The following CDC16 variants were observed in gnomAD, a reference collection of about 807,000 sequenced individuals.
CDC16 encodes cell division cycle protein 16 homolog.
In CDC16, 34 loss-of-function variants were observed where a neutral mutation model predicts 87.0. The observed-to-expected ratio is 0.39, with a 90% confidence interval of 0.30 to 0.52. The LOEUF (loss-of-function observed/expected upper bound fraction) is 0.52. CDC16 is among the 20% of genes least tolerant of loss of function. The pLI is 0.74. For missense variants in CDC16, 653 were observed against 751.9 expected, an observed-to-expected ratio of 0.87 and a Z score of 1.54; for synonymous variants, 263 against 260.6, an observed-to-expected ratio of 1.01 and a Z score of -0.09.
At chr13:114,239,229 C>G in intron 4 of CDC16, 121 bp from the exon 5 acceptor site, 1 of 1,459,950 alleles carries the variant, frequency 6.8e-7, no homozygotes, top group South Asian at 1.4e-5. Context: ...GAAGAAAATT[C>G]TACTTTAGAC....
rs528422477 is a variant in CDC16, at chr13:114,235,197, G to T, written c.48+65G>T. On this transcript the variant is annotated intron_variant, in intron 1 of 17. Transcript: ENST00000356221. ...CCGGGTCTTTTTCCGCGCGGCGTGG[G>T]GCTGGGGTGACTGTTGTCGGGGCTC... The T allele has an allele frequency of 9.9e-6, 11 of 1,114,436 alleles. No individual in the cohort carries two copies. In the South Asian group the frequency reaches 4.4e-4, roughly 44 times the overall value. The allele number at this position is 1,114,436 out of a possible 1,614,324, so 69.0% of individuals were successfully genotyped here. A position where few individuals can be genotyped will look rare whatever the true frequency, so the allele number is the denominator to read the frequency against.
intron 16 of CDC16, among the ~76,000 whole-genome samples, chr13:114,264,486 G>A (rs2083064557): frequency 6.6e-6 from 1 of 151,992 alleles, no homozygotes; most frequent in African/African-American, 2.4e-5. Context: ...CTTGAACCCG[G>A]GAGGCGGAGG....
At chr13:114,261,990 C>G in intron 15 of CDC16, 42 bp downstream of exon 15, 1 of 1,223,034 alleles carries the variant, frequency 8.2e-7, no homozygotes, top group Admixed American at 2.0e-5. Context: ...CTTTGTGTCT[C>G]AAAGTTTACT....
chr13:114,243,790 A>G (rs2081690894), intron 7 of CDC16, 66 bp from the exon 8 acceptor site: 11 of 1,392,330 alleles, frequency 7.9e-6, no homozygotes, highest in South Asian at 2.5e-5. Flanking sequence ...GCCAAACACA[A>G]ATTGAATCCA....
intron 3 of CDC16, among the ~76,000 whole-genome samples, chr13:114,238,284 T>C (rs1372782334): frequency 0.014 from 1,614 of 117,790 alleles, 14 homozygotes; most frequent in Middle Eastern, 0.089. Context: ...GGAGCTGCTG[T>C]GAGCTCCTCG....
intron 8 of CDC16, 64 bp from the exon 9 acceptor site, chr13:114,244,826 C>A: frequency 2.1e-6 from 2 of 943,678 alleles, no homozygotes; most frequent in Non-Finnish European, 3.4e-6. Context: ...CTACACATAG[C>A]CGATCGTCGT....
intron 17 of CDC16, among the ~76,000 whole-genome samples, chr13:114,268,026 T>C (rs912192294): frequency 1.2e-4 from 19 of 152,152 alleles, no homozygotes; most frequent in African/African-American, 4.6e-4. Context: ...GTGGTCAGGC[T>C]TCCACACGGA....
chr13:114,254,288 C>T lies in CDC16; in HGVS notation c.1098-2790C>T, dbSNP rs79138631. Among the ~76,000 whole-genome samples the T allele has an allele frequency of 9.8e-4, 149 of 152,246 alleles. 3 individuals carry two copies. In the East Asian group the frequency reaches 0.027, roughly 28 times the overall value. On this transcript the variant is annotated intron_variant, in intron 12 of 17. Transcript: ENST00000356221. Reference sequence around the variant, plus strand: ...GGCGTTTTGTTCTTTATTGTCTATACATCACATCTTTTGTTCCTGTATTTC... The same window carrying T: ...GGCGTTTTGTTCTTTATTGTCTATATATCACATCTTTTGTTCCTGTATTTC...
At chr13:114,271,824 C>T (rs1235088135) in intron 17 of CDC16, among the ~76,000 whole-genome samples, 1 of 152,114 alleles carries the variant, frequency 6.6e-6, no homozygotes, top group Non-Finnish European at 1.5e-5. Flanking sequence ...AGAAAGTTGT[C>T]CACAGGCCTC....
At chr13:114,235,941 CATATTT>C (rs2081227484) in intron 1 of CDC16, among the ~76,000 whole-genome samples, 1 of 152,142 alleles carries the variant, frequency 6.6e-6, no homozygotes, top group African/African-American at 2.4e-5. Flanking sequence ...CGGTATTGAG[CATATTT>C]ATAACTATCC....
At chr13:114,263,093 A>T (rs1361181839) in intron 16 of CDC16, 79 bp downstream of exon 16, 2 of 1,249,102 alleles carry the variant, frequency 1.6e-6, no homozygotes, top group Non-Finnish European at 2.3e-6. Flanking sequence ...TTTTCTAGGT[A>T]ATATTGACTT....
chr13:114,239,209 T>C, intron 4 of CDC16, 141 bp from the exon 5 acceptor site: 1 of 1,402,856 alleles, frequency 7.1e-7, no homozygotes, highest in South Asian at 1.4e-5. Context: ...TACCACATGC[T>C]GACATGCATG....
chr13:114,263,422 T>C (rs2082973618), intron 16 of CDC16, among the ~76,000 whole-genome samples: 1 of 152,214 alleles, frequency 6.6e-6, no homozygotes, highest in South Asian at 2.1e-4. Flanking sequence ...CCATGTACCA[T>C]ATTCCATCAA....
chr13:114,238,676 C>G (rs1176886902), intron 3 of CDC16, among the ~76,000 whole-genome samples: 1 of 152,230 alleles, frequency 6.6e-6, no homozygotes, highest in Non-Finnish European at 1.5e-5. Context: ...TACTCGCTCT[C>G]CTGCAGATGT....
At chr13:114,263,432 A>G (rs1308166287) in intron 16 of CDC16, among the ~76,000 whole-genome samples, 1 of 152,234 alleles carries the variant, frequency 6.6e-6, no homozygotes, top group Non-Finnish European at 1.5e-5. Context: ...TATTCCATCA[A>G]ATTTAAGACA....
At chr13:114,250,987 A>G (rs1442332334) in intron 12 of CDC16, among the ~76,000 whole-genome samples, 1 of 152,178 alleles carries the variant, frequency 6.6e-6, no homozygotes, top group Non-Finnish European at 1.5e-5. Context: ...GAGCAAAATT[A>G]TTATATCTTA....
intron 11 of CDC16, among the ~76,000 whole-genome samples, chr13:114,249,232 G>A (rs971210976): frequency 1.3e-5 from 2 of 151,830 alleles, no homozygotes; most frequent in Admixed American, 6.6e-5. Flanking sequence ...TTAACAATAG[G>A]GTTTGCGCAC....
At chr13:114,249,832 G>C (rs2082068726) in intron 11 of CDC16, among the ~76,000 whole-genome samples, 2 of 152,176 alleles carry the variant, frequency 1.3e-5, no homozygotes, top group Non-Finnish European at 2.9e-5. Context: ...TATTTAGAAT[G>C]CTAATGGGTT....
Position 114,251,945 on chromosome 13 carries a change from C to T in CDC16, c.1097+1271C>T, listed in dbSNP as rs573442268. On this transcript the variant is annotated intron_variant, in intron 12 of 17. Coordinates refer to ENST00000356221, the MANE Select transcript of CDC16 (RefSeq NM_001078645.3). ...AGCCCTGTTGGATAAGAGCCCTACA[C>T]TAGCCCTGTTGGATAAGAGCCCTAC... Among the ~76,000 whole-genome samples, 6 of 152,188 alleles carry T rather than the reference C, an allele frequency of 3.9e-5. No individual in the cohort carries two copies. In the South Asian group the frequency reaches 1.2e-3, roughly 32 times the overall value.
Sources: allele counts gnomAD v4.1 joint callset (sites outside exome capture counted in the v4.1 genomes callset), GRCh38; gene constraint gnomAD v4.1.1; transcripts MANE v1.5; gene names NCBI Gene and HGNC (gene_info 2026-07-23, HGNC 2026-07-21).